CPS1: variants seen among roughly 807,000 people sequenced by gnomAD.
CPS1 encodes carbamoyl-phosphate synthase [ammonia], mitochondrial.
CPS1 carries 109 observed loss-of-function variants against 174.6 expected under a neutral mutation model. The ratio of observed to expected loss-of-function variants is 0.62; its 90% confidence interval spans 0.53 to 0.73. The LOEUF (loss-of-function observed/expected upper bound fraction) is 0.73, where lower values mean the gene tolerates loss of function less well. Among genes scored for constraint, CPS1 ranks in the 30% least tolerant of loss-of-function variants. CPS1 has a pLI of 0.00. For synonymous variants in CPS1, 637 were observed against 632.0 expected, an observed-to-expected ratio of 1.01 and a Z score of -0.12; for missense variants, 1,689 against 1,821.9, an observed-to-expected ratio of 0.93 and a Z score of 1.33.
intron 16 of CPS1, chr2:210,604,887 C>T: frequency 1.8e-6 from 1 of 556,066 alleles, no homozygotes; most frequent in South Asian, 2.1e-5. Flanking sequence ...AATGGCAAGC[C>T]TCAATAATGT....
chr2:210,639,505 G>A (rs1401456664), intron 23 of CPS1, among the ~76,000 whole-genome samples: 2 of 150,918 alleles, frequency 1.3e-5, no homozygotes, highest in African/African-American at 2.4e-5. Context: ...CCAGCTACTC[G>A]GGAGGCTGAG....
intron 5 of CPS1, among the ~76,000 whole-genome samples, chr2:210,580,223 T>C (rs2106087035): frequency 6.6e-6 from 1 of 152,304 alleles, no homozygotes; most frequent in South Asian, 2.1e-4. Flanking sequence ...GAGTTATTTG[T>C]AAAATTAATG....
At chr2:210,668,118 A>G in intron 33 of CPS1, 68 bp from the exon 34 acceptor site, 1 of 994,712 alleles carries the variant, frequency 1.0e-6, no homozygotes, top group Non-Finnish European at 1.5e-6. Context: ...TTTAATTTTA[A>G]TTTTTGGTAG....
chr2:210,665,714 C>T (rs1002895484), intron 33 of CPS1, among the ~76,000 whole-genome samples: 2 of 150,964 alleles, frequency 1.3e-5, no homozygotes, highest in African/African-American at 2.4e-5. Context: ...TTTTCTTAAT[C>T]CAGTCTATCA....
chr2:210,548,065 T>C (rs1441490693), intron 1 of CPS1, among the ~76,000 whole-genome samples: 1 of 152,066 alleles, frequency 6.6e-6, no homozygotes, highest in Non-Finnish European at 1.5e-5. Flanking sequence ...TTTAATAATT[T>C]GAAGAATGCA....
chr2:210,593,043 A>G (rs1405880886), intron 11 of CPS1, 87 bp downstream of exon 11: 13 of 1,150,106 alleles, frequency 1.1e-5, no homozygotes, highest in Non-Finnish European at 1.2e-5. Context: ...ATCACCCCAG[A>G]TGATCTTGAG....
At chr2:210,590,659 G>T (rs1698262913) in intron 8 of CPS1, 141 bp from the exon 9 acceptor site, 1 of 663,070 alleles carries the variant, frequency 1.5e-6, no homozygotes, top group Admixed American at 2.4e-5. Context: ...TGTCAATTAT[G>T]TCCTTTTTTA....
intron 1 of CPS1, among the ~76,000 whole-genome samples, chr2:210,513,760 C>T (rs968852928): frequency 6.6e-6 from 1 of 151,892 alleles, no homozygotes; most frequent in Non-Finnish European, 1.5e-5. Context: ...AAATTCTTTC[C>T]CAAGGCCAAT....
At chr2:210,579,096 A>G (rs1697816033) in intron 4 of CPS1, among the ~76,000 whole-genome samples, 3 of 152,226 alleles carry the variant, frequency 2.0e-5, no homozygotes, top group South Asian at 2.1e-4. Context: ...AAAAAAAACT[A>G]GAACATGTTT....
intron 34 of CPS1, among the ~76,000 whole-genome samples, chr2:210,670,958 T>C (rs16844779): frequency 0.19 from 28,530 of 152,170 alleles, 2,815 homozygotes; most frequent in African/African-American, 0.22. Flanking sequence ...CCTGTGTCTC[T>C]ACCAAGGCAT....
intron 1 of CPS1, among the ~76,000 whole-genome samples, chr2:210,489,622 T>C (rs1357314510): frequency 6.6e-6 from 1 of 151,924 alleles, no homozygotes; most frequent in Non-Finnish European, 1.5e-5. Context: ...TTAAGGAGCA[T>C]TAAAAGAAGA....
chr2:210,502,272 G>A (rs1298872898), intron 1 of CPS1, among the ~76,000 whole-genome samples: 2 of 151,742 alleles, frequency 1.3e-5, no homozygotes, highest in African/African-American at 2.4e-5. Context: ...TGCTCACAGA[G>A]TTGATCTTTG....
At chr2:210,481,989 T>C (rs988949378) in intron 1 of CPS1, among the ~76,000 whole-genome samples, 1 of 152,340 alleles carries the variant, frequency 6.6e-6, no homozygotes, top group South Asian at 2.1e-4. Flanking sequence ...CTGGCTTCTT[T>C]AACTGGCTTC....
chr2:210,602,199 C>T lies in CPS1; in HGVS notation c.1708-3C>T. ...AATGTTGAGTCCTTGTTCTTGTTGACAGATTGAGGATGCACTGAAGGCAGC... is the reference window on the plus strand; with the variant it reads ...AATGTTGAGTCCTTGTTCTTGTTGATAGATTGAGGATGCACTGAAGGCAGC... On this transcript the variant is annotated splice_polypyrimidine_tract_variant and splice_region_variant and intron_variant, in intron 15 of 37. Coordinates refer to ENST00000233072, the MANE Select transcript of CPS1 (RefSeq NM_001875.5). The T allele has an allele frequency of 6.2e-7, 1 of 1,612,122 alleles. No individual in the cohort carries two copies. The highest frequency in any genetic ancestry group is 8.5e-7 in the Non-Finnish European group (1 of 1,178,904).
rs765338172 is a variant in CPS1 at position 210,678,030 on chromosome 2, A to G, written c.*45A>G. On this transcript the variant is annotated 3_prime_UTR_variant, in exon 38 of 38. Coordinates refer to ENST00000233072, the MANE Select transcript of CPS1 (RefSeq NM_001875.5). ...CCATTATTAAATCAACCTGAGCCAC[A>G]TGTTATCTAAAGGAACTGATTCACA... 8 of 1,383,272 alleles carry G rather than the reference A, an allele frequency of 5.8e-6. No individual in the cohort carries two copies. Among genetic ancestry groups the G allele is most frequent in the South Asian group, 2.3e-5 (2 of 86,420 alleles). The allele number at this position is 1,383,272 out of a possible 1,614,324, so 85.7% of individuals were successfully genotyped here.
intron 29 of CPS1, among the ~76,000 whole-genome samples, chr2:210,654,470 C>G (rs1173781931): frequency 6.6e-6 from 1 of 152,076 alleles, no homozygotes; most frequent in South Asian, 2.1e-4. Context: ...CCAATCGAAT[C>G]CTGGTTTTTC....
At chr2:210,665,186 C>T (rs1308543172) in intron 33 of CPS1, among the ~76,000 whole-genome samples, 1 of 152,146 alleles carries the variant, frequency 6.6e-6, no homozygotes, top group African/African-American at 2.4e-5. Context: ...GTAAAATGTT[C>T]ACTGTGGAGA....
intron 1 of CPS1, chr2:210,477,803 G>C: frequency 6.2e-7 from 1 of 1,611,752 alleles, no homozygotes; most frequent in Non-Finnish European, 8.5e-7. Flanking sequence ...TGTTTTAAAA[G>C]ATGGGTGTTT....
chr2:210,550,074 T>G (rs1477433674), intron 1 of CPS1, among the ~76,000 whole-genome samples: 1 of 152,046 alleles, frequency 6.6e-6, no homozygotes, highest in African/African-American at 2.4e-5. Context: ...ACAGATGAAT[T>G]AGTTTTATTA....
Sources: gnomAD v4.1 joint callset for allele counts (sites outside exome capture counted in the v4.1 genomes callset) on GRCh38, gnomAD v4.1.1 for gene constraint, MANE v1.5 for transcripts, NCBI Gene and HGNC (gene_info 2026-07-23, HGNC 2026-07-21) for gene names.